Variants in KCNQ1 observed in about 807,000 individuals in gnomAD.
KCNQ1 encodes the protein potassium voltage-gated channel subfamily KQT member 1.
A neutral mutation model predicts 72.4 loss-of-function variants in KCNQ1; 49 were observed. The observed-to-expected ratio is 0.68, with a 90% CI of 0.54 to 0.86. KCNQ1 has a LOEUF of 0.86. KCNQ1 is among the 40% of genes least tolerant of loss of function. The pLI, the probability that KCNQ1 is intolerant of heterozygous loss-of-function variation, is 0.00. For synonymous variants in KCNQ1, 450 were observed against 412.6 expected (o/e 1.09, Z -1.10); for missense variants, 790 against 945.1 (o/e 0.84, Z 2.15).
rs954473478 is a variant in KCNQ1, at chr11:2,621,669, T to C, written c.1393+32815T>C. 5 of 398,398 alleles carry C rather than the reference T, an allele frequency of 1.3e-5. No individual in the cohort carries two copies. Among genetic ancestry groups the C allele is most frequent in the Non-Finnish European group, 2.2e-5 (5 of 226,024 alleles). 24.7% of individuals were successfully genotyped at this position (398,398 alleles called of 1,614,324 possible). A position where few individuals can be genotyped will look rare whatever the true frequency, so the allele number is the denominator to read the frequency against. ...CTCTAGGTTATCCAATTTGTTGGGA[T>C]ATAATTGTTCATAAAAGTCCCTTAT... On this transcript the variant is annotated intron_variant, in intron 10 of 15. Transcript: ENST00000155840. This position sits in a 1 kb window ranked among gnomAD's most constrained non-coding sequence, Gnocchi z 5.7.
rs1201954912 is a variant in KCNQ1 at position 2,803,894 on chromosome 11, A to C, written c.1794+25857A>C. Among the ~76,000 whole-genome samples the C allele has an allele frequency of 2.0e-5, 3 of 151,870 alleles. No individual in the cohort carries two copies. The highest frequency in any genetic ancestry group is 4.4e-5 in the Non-Finnish European group (3 of 67,988). ...CAGGACACCCCACACCAGCCATTGG[A>C]TGGGGCCGCCTCTGCCACCTGCTCC... On this transcript the variant is annotated intron_variant, in intron 15 of 15. Transcript: ENST00000155840. This position sits in a 1 kb window ranked among gnomAD's most constrained non-coding sequence, Gnocchi z 6.4.
intron 2 of KCNQ1, among the ~76,000 whole-genome samples, chr11:2,529,805 C>T (rs926513119): frequency 1.3e-5 from 2 of 152,112 alleles, no homozygotes; most frequent in Admixed American, 1.3e-4. Context: ...CTGCGGCCAG[C>T]GGGGCCCTCC....
At chr11:2,469,480 C>T (rs1846407836) in intron 1 of KCNQ1, among the ~76,000 whole-genome samples, 1 of 151,908 alleles carries the variant, frequency 6.6e-6, no homozygotes, top group African/African-American at 2.4e-5. Flanking sequence ...ACCACGTTGG[C>T]CAGGCTGGTC....
At chr11:2,811,452 A>G (rs1396012209) in intron 15 of KCNQ1, among the ~76,000 whole-genome samples, 1 of 152,242 alleles carries the variant, frequency 6.6e-6, no homozygotes, top group Non-Finnish European at 1.5e-5. Flanking sequence ...TGCACGCATG[A>G]GGCTGTGCCT....
chr11:2,581,492 G>A (rs1466405485), intron 6 of KCNQ1, among the ~76,000 whole-genome samples: 4 of 152,336 alleles, frequency 2.6e-5, no homozygotes, highest in Non-Finnish European at 5.9e-5. Flanking sequence ...GAGGGGCTCC[G>A]GTTCCCCCAG....
chr11:2,837,690 C>T (rs1319038489), intron 15 of KCNQ1, among the ~76,000 whole-genome samples: 4 of 152,156 alleles, frequency 2.6e-5, no homozygotes, highest in African/African-American at 9.7e-5. Context: ...ACCAAGGAGA[C>T]CCTCACCTGG....
intron 11 of KCNQ1, among the ~76,000 whole-genome samples, chr11:2,742,936 G>A (rs901287876): frequency 5.3e-5 from 8 of 152,224 alleles, no homozygotes; most frequent in Admixed American, 2.0e-4. Flanking sequence ...GAGAGGCCAC[G>A]TGGGCAGCCA....
In KCNQ1 at chr11:2,684,586, G is replaced by C. The variant is rs887093587; in HGVS notation, c.1514+22505G>C. 3 of 398,552 alleles carry C rather than the reference G, an allele frequency of 7.5e-6. No individual in the cohort carries two copies. The Admixed American group carries it at 1.3e-4, about 18-fold the overall frequency. 24.7% of individuals were successfully genotyped at this position (398,552 alleles called of 1,614,324 possible). On this transcript the variant is annotated intron_variant, in intron 11 of 15. Coordinates refer to ENST00000155840, the MANE Select transcript of KCNQ1 (RefSeq NM_000218.3). Reference sequence around the variant, plus strand: ...ATAAATGACTTTCTGGCAGAGGAGAGTGACTGTCCTTTGTCTGTGGCCCTG... The same window carrying C: ...ATAAATGACTTTCTGGCAGAGGAGACTGACTGTCCTTTGTCTGTGGCCCTG...
At position 2,541,981 on chromosome 11, in the gene KCNQ1, T is replaced by TG. The variant is rs1289548922; in HGVS notation, c.477+13967dup. 7.2e-5 allele frequency among the ~76,000 whole-genome samples: 11 copies of TG among 152,126 alleles called. No homozygotes were observed. Among genetic ancestry groups the TG allele is most frequent in the Non-Finnish European group, 1.6e-4 (11 of 68,022 alleles). On this transcript the variant is annotated intron_variant, in intron 2 of 15. Coordinates refer to ENST00000155840, the MANE Select transcript of KCNQ1 (RefSeq NM_000218.3). This position sits in a 1 kb window ranked among gnomAD's most constrained non-coding sequence, Gnocchi z 4.8. ...AGCTGCACCGTGGGGTCCCCTGGCT[T>TG]GGGGTGGGCCTCAGAGGCTGTCGCC...
chr11:2,631,856 T>C (rs1304770557), intron 10 of KCNQ1: 5 of 398,338 alleles, frequency 1.3e-5, no homozygotes, highest in Admixed American at 4.4e-5. Context: ...GTTAATAATA[T>C]CCCTTTCAGA....
chr11:2,840,683 A>G (rs758743656), intron 15 of KCNQ1, among the ~76,000 whole-genome samples: 4 of 152,258 alleles, frequency 2.6e-5, no homozygotes, highest in South Asian at 2.1e-4. Flanking sequence ...TAAATGCCAT[A>G]AACCCATACA....
Position 2,601,448 on chromosome 11 carries a change from G to A in KCNQ1, c.1393+12594G>A, listed in dbSNP as rs752351560. Among the ~76,000 whole-genome samples, 1 of 152,208 alleles carries A rather than the reference G, an allele frequency of 6.6e-6. No individual in the cohort carries two copies. The highest frequency in any genetic ancestry group is 2.4e-5 in the African/African-American group (1 of 41,442). On this transcript the variant is annotated intron_variant, in intron 10 of 15. Transcript: ENST00000155840. The surrounding 1 kb of genome is among the most constrained non-coding windows in gnomAD (Gnocchi z 5.2). ...TGCACCCTTTAGTTAGTTTCCGTCA[G>A]TGGTAGCATCTTCTAAAACCATAGC...
intron 11 of KCNQ1, chr11:2,692,118 A>G: frequency 2.5e-6 from 1 of 398,658 alleles, no homozygotes; most frequent in Non-Finnish European, 4.4e-6. Flanking sequence ...CCATCATTTT[A>G]TAGCCCACTC....
intron 15 of KCNQ1, among the ~76,000 whole-genome samples, chr11:2,831,147 T>A (rs2134068472): frequency 6.6e-6 from 1 of 152,266 alleles, no homozygotes; most frequent in East Asian, 1.9e-4. Flanking sequence ...AAGGCGGCGA[T>A]CAATGGGATG....
rs1354652768 is a variant in KCNQ1 at position 2,826,049 on chromosome 11, TTA to T, written c.1795-21716_1795-21715del. Among the ~76,000 whole-genome samples the T allele has an allele frequency of 7.2e-5, 11 of 152,142 alleles. No individual in the cohort carries two copies. Among genetic ancestry groups the T allele is most frequent in the Non-Finnish European group, 1.5e-5 (1 of 68,018 alleles). ...GAAACGATTTTGTTGTCTGCAGAGA[TTA>T]TGTGTAACTGCCTGTGAGTTATAAG... is the stretch of plus-strand genomic sequence containing the variant. On this transcript the variant is annotated intron_variant, in intron 15 of 15. Coordinates refer to ENST00000155840, the MANE Select transcript of KCNQ1 (RefSeq NM_000218.3). The surrounding 1 kb of genome is among the most constrained non-coding windows in gnomAD (Gnocchi z 4.2).
At position 2,532,670 on chromosome 11, in the gene KCNQ1, G is replaced by T. The variant is rs577662564; in HGVS notation, c.477+4652G>T. ...GTGGGAGGGGCACAGTGAGAAGGAGGTAAGCTGGTGCTGGCGGGGCAGGCA... is the reference window on the plus strand; with the variant it reads ...GTGGGAGGGGCACAGTGAGAAGGAGTTAAGCTGGTGCTGGCGGGGCAGGCA... On this transcript the variant is annotated intron_variant, in intron 2 of 15. Coordinates refer to ENST00000155840, the MANE Select transcript of KCNQ1 (RefSeq NM_000218.3). Among the ~76,000 whole-genome samples, 40 of 152,296 alleles carry T rather than the reference G, an allele frequency of 2.6e-4. No homozygotes were observed. In the South Asian group the frequency reaches 3.1e-3, roughly 12 times the overall value.
At chr11:2,648,981 C>CTTTTTTTTTTTTTTTTTTTTTTTTCTTT in intron 10 of KCNQ1, 1 of 213,306 alleles carries the variant, frequency 4.7e-6, no homozygotes, top group Non-Finnish European at 7.8e-6. Flanking sequence ...TTTTCTTTTT[C>CTTTTTTTTTTTTTTTTTTTTTTTTCTTT]TTTTTTTTTT....
rs1242182961 is a variant in KCNQ1 at position 2,663,770 on chromosome 11, C to T, written c.1514+1689C>T. 2.5e-6 allele frequency: 1 copy of T among 398,568 alleles called. No individual in the cohort carries two copies. The highest frequency in any genetic ancestry group is 4.4e-6 in the Non-Finnish European group (1 of 226,114). 24.7% of individuals were successfully genotyped at this position (398,568 alleles called of 1,614,324 possible). A position where few individuals can be genotyped will look rare whatever the true frequency, so the allele number is the denominator to read the frequency against. ...ACCAGGCACTTATGTGGATCACAGC[C>T]AAACTTGCAGCTGCCCAGTAAATCA... is the stretch of plus-strand genomic sequence containing the variant. On this transcript the variant is annotated intron_variant, in intron 11 of 15. Coordinates refer to ENST00000155840, the MANE Select transcript of KCNQ1 (RefSeq NM_000218.3). This position sits in a 1 kb window ranked among gnomAD's most constrained non-coding sequence, Gnocchi z 5.2.
intron 15 of KCNQ1, among the ~76,000 whole-genome samples, chr11:2,778,813 C>T (rs574433254): frequency 8.5e-5 from 13 of 152,334 alleles, no homozygotes; most frequent in African/African-American, 1.9e-4. Context: ...GTGCGTCTGC[C>T]GCCCGGTTTC....
Sources: gnomAD v4.1 joint callset for allele counts (sites outside exome capture counted in the v4.1 genomes callset) on GRCh38, gnomAD v4.1.1 for gene constraint, Gnocchi (gnomAD v3.1) non-coding constraint, MANE v1.5 for transcripts, NCBI Gene and HGNC (gene_info 2026-07-23, HGNC 2026-07-21) for gene names.